Variants in CACNA1D observed in about 807,000 individuals in gnomAD.
CACNA1D encodes voltage-dependent L-type calcium channel subunit alpha-1D.
A neutral mutation model predicts 257.1 loss-of-function variants in CACNA1D; 55 were observed. The observed-to-expected ratio is 0.21, with a 90% CI of 0.17 to 0.27. CACNA1D has a LOEUF of 0.27. Ranked by LOEUF, CACNA1D falls within the 10% of genes least tolerant of loss-of-function variation. The probability of loss-of-function intolerance (pLI) is 1.00; values close to 1 mark genes in which losing one functional copy is unlikely to be tolerated. For synonymous variants in CACNA1D, 980 were observed against 1,014.9 expected (o/e 0.97, Z 0.65); for missense variants, 1,876 against 2,784.0 (o/e 0.67, Z 7.34).
chr3:53,722,400 T>C lies in CACNA1D; in HGVS notation c.1592T>C (p.Val531Ala). The C allele has an allele frequency of 6.2e-7, 1 of 1,614,216 alleles. No individual in the cohort carries two copies. The highest frequency in any genetic ancestry group is 8.5e-7 in the Non-Finnish European group (1 of 1,180,042). Residue 531 changes from valine (V) to alanine (A), a missense_variant, in exon 12 of 48, where the codon GTC (valine) becomes GCC (alanine). Val to Ala is a moderately conservative substitution (Grantham distance 64). Coordinates refer to ENST00000350061, the MANE Select transcript of CACNA1D (RefSeq NM_001128840.3). ...KSVTFYWLVI[V>A]LVFLNTLTIS... ...GTCACGTTTTACTGGCTGGTTATCG[T>C]CCTGGTGTTTCTGAACACCTTAACC...
At chr3:53,730,972 A>C (rs1366426426) in intron 16 of CACNA1D, 105 bp from the exon 17 acceptor site, 1 of 752,466 alleles carries the variant, frequency 1.3e-6, no homozygotes, top group Non-Finnish European at 2.3e-6. Context: ...TTCTAATTAA[A>C]TTCTGTCCTT....
chr3:53,682,389 A>C (rs946118095), intron 8 of CACNA1D, among the ~76,000 whole-genome samples: 3 of 140,336 alleles, frequency 2.1e-5, no homozygotes, highest in African/African-American at 5.3e-5. Flanking sequence ...AAAAAAAAAA[A>C]AAAAAAACAG....
chr3:53,564,598 T>C (rs980372813), intron 3 of CACNA1D, among the ~76,000 whole-genome samples: 2 of 152,246 alleles, frequency 1.3e-5, no homozygotes, highest in African/African-American at 4.8e-5. Context: ...TTAATTTTAA[T>C]GTAGCTAATT....
chr3:53,761,474 A>C (rs1319990481), intron 29 of CACNA1D, among the ~76,000 whole-genome samples: 1 of 152,248 alleles, frequency 6.6e-6, no homozygotes, highest in East Asian at 1.9e-4. Flanking sequence ...TGTCTCAGTC[A>C]TCCTGCCACA....
Position 53,730,022 on chromosome 3 carries a change from T to C in CACNA1D, c.2222-420T>C, listed in dbSNP as rs78406723. On this transcript the variant is annotated intron_variant, in intron 15 of 47. Transcript: ENST00000350061. ...GTTTTGGAAAGCACTCCCCTGAATA[T>C]ATATGTTGTAGTTGTAGTATGTGTT... Among the ~76,000 whole-genome samples the C allele has an allele frequency of 9.5e-3, 1,440 of 152,252 alleles. 30 individuals carry two copies. The highest frequency in any genetic ancestry group is 0.032 in the African/African-American group (1,331 of 41,512).
intron 3 of CACNA1D, among the ~76,000 whole-genome samples, chr3:53,607,639 C>A (rs964182930): frequency 6.6e-6 from 1 of 152,130 alleles, no homozygotes; most frequent in African/African-American, 2.4e-5. Context: ...GGATTCTCCC[C>A]CAGAGAATAA....
intron 8 of CACNA1D, among the ~76,000 whole-genome samples, chr3:53,683,967 C>G (rs1038264545): frequency 2.6e-5 from 4 of 152,126 alleles, no homozygotes; most frequent in African/African-American, 7.2e-5. Context: ...CAAAGGGAAC[C>G]ACTGCTAAGC....
At chr3:53,685,561 A>G (rs1199549452) in intron 8 of CACNA1D, among the ~76,000 whole-genome samples, 1 of 152,202 alleles carries the variant, frequency 6.6e-6, no homozygotes, top group African/African-American at 2.4e-5. Context: ...TCACCGACAT[A>G]GACCATATCT....
chr3:53,696,995 C>G (rs1194021118), intron 8 of CACNA1D, among the ~76,000 whole-genome samples: 2 of 152,162 alleles, frequency 1.3e-5, no homozygotes, highest in Non-Finnish European at 2.9e-5. Flanking sequence ...CTGGCCGCAG[C>G]TCCTGTGGCT....
At chr3:53,497,539 G>C in intron 2 of CACNA1D, 78 bp downstream of exon 2, 1 of 1,432,230 alleles carries the variant, frequency 7.0e-7, no homozygotes, top group South Asian at 1.2e-5. Flanking sequence ...TTTCTGAAGT[G>C]ACACAAAGCT....
chr3:53,607,879 G>T (rs2093532823), intron 3 of CACNA1D, among the ~76,000 whole-genome samples: 1 of 152,070 alleles, frequency 6.6e-6, no homozygotes, highest in Non-Finnish European at 1.5e-5. Context: ...TTTCCTATTG[G>T]ACTGTATGTC....
chr3:53,694,433 TC>T (rs997566666), intron 8 of CACNA1D, among the ~76,000 whole-genome samples: 2 of 152,094 alleles, frequency 1.3e-5, no homozygotes, highest in Admixed American at 1.3e-4. Flanking sequence ...TGCCCTGTCC[TC>T]CCTCCCTGGT....
In CACNA1D at chr3:53,673,631, A is replaced by T; in HGVS notation, c.1220+505A>T. The T allele has an allele frequency of 1.0e-6, 1 of 992,750 alleles. No individual in the cohort carries two copies. The allele number at this position is 992,750 out of a possible 1,614,324, so 61.5% of individuals were successfully genotyped here. On this transcript the variant is annotated intron_variant, in intron 8 of 47. Transcript: ENST00000350061. This position sits in a 1 kb window ranked among gnomAD's most constrained non-coding sequence, Gnocchi z 4.1. Reference sequence around the variant, plus strand: ...TAGGAGCACTAACCTTCAGCAAAGCACTGAGAGGTTTGGCAGCTGCAACTG... The same window carrying T: ...TAGGAGCACTAACCTTCAGCAAAGCTCTGAGAGGTTTGGCAGCTGCAACTG...
In CACNA1D at chr3:53,811,619, G is replaced by T; in HGVS notation, c.*213G>T. Reference sequence around the variant, plus strand: ...AGCCTGGCAGAGTACCATGCGCTCGGCCCCAGCTGCAGGAAACAGCAGGCC... The same window carrying T: ...AGCCTGGCAGAGTACCATGCGCTCGTCCCCAGCTGCAGGAAACAGCAGGCC... On this transcript the variant is annotated 3_prime_UTR_variant, in exon 48 of 48. Coordinates refer to ENST00000350061, the MANE Select transcript of CACNA1D (RefSeq NM_001128840.3). The surrounding 1 kb of genome is among the most constrained non-coding windows in gnomAD (Gnocchi z 4.2). 3 of 473,774 alleles carry T rather than the reference G, an allele frequency of 6.3e-6. No individual in the cohort carries two copies. Among genetic ancestry groups the T allele is most frequent in the Non-Finnish European group, 7.4e-6 (2 of 269,490 alleles). 29.3% of individuals were successfully genotyped at this position (473,774 alleles called of 1,614,324 possible). A position where few individuals can be genotyped will look rare whatever the true frequency, so the allele number is the denominator to read the frequency against.
intron 11 of CACNA1D, among the ~76,000 whole-genome samples, chr3:53,720,605 G>A (rs1409109988): frequency 6.6e-6 from 1 of 152,166 alleles, no homozygotes; most frequent in Non-Finnish European, 1.5e-5. Flanking sequence ...TTTTTAATAG[G>A]CATTTCACCA....
At chr3:53,662,446 C>G (rs2094213297) in intron 5 of CACNA1D, among the ~76,000 whole-genome samples, 1 of 152,172 alleles carries the variant, frequency 6.6e-6, no homozygotes, top group Admixed American at 6.5e-5. Flanking sequence ...CTTCTCTTTC[C>G]CTGTCCTTCC....
At chr3:53,731,934 C>T (rs2094997214) in intron 17 of CACNA1D, 82 bp from the exon 18 acceptor site, 2 of 892,090 alleles carry the variant, frequency 2.2e-6, no homozygotes. Context: ...ATGCCCTATG[C>T]TGGACCACCA....
At chr3:53,511,315 C>T (rs2091097937) in intron 3 of CACNA1D, among the ~76,000 whole-genome samples, 1 of 152,114 alleles carries the variant, frequency 6.6e-6, no homozygotes, top group Non-Finnish European at 1.5e-5. Context: ...ATTGCTGACA[C>T]CTGGACATGG....
intron 14 of CACNA1D, among the ~76,000 whole-genome samples, chr3:53,726,673 AT>A (rs34214358): frequency 2.0e-5 from 3 of 151,978 alleles, no homozygotes; most frequent in Non-Finnish European, 2.9e-5. Context: ...TAATAAGGTT[AT>A]TTTTTTTCAC....
Sources: gnomAD v4.1 joint callset for allele counts (sites outside exome capture counted in the v4.1 genomes callset) on GRCh38, gnomAD v4.1.1 for gene constraint, Gnocchi (gnomAD v3.1) non-coding constraint, MANE v1.5 for transcripts, NCBI Gene and HGNC (gene_info 2026-07-23, HGNC 2026-07-21) for gene names.